The following ANGPT2 variants were observed in gnomAD, a reference collection of about 807,000 sequenced individuals.
ANGPT2 encodes angiopoietin-2.
Under a neutral mutation model 62.9 loss-of-function variants are expected in ANGPT2, and 28 were observed. The observed-to-expected ratio is 0.44, with a 90% CI of 0.33 to 0.61. ANGPT2 has a LOEUF of 0.61. Among genes scored for constraint, ANGPT2 ranks in the 20% least tolerant of loss-of-function variants. The probability of loss-of-function intolerance (pLI) is 0.03; values close to 1 mark genes in which losing one functional copy is unlikely to be tolerated. For missense variants in ANGPT2, 727 were observed against 594.9 expected, an observed-to-expected ratio of 1.22 and a Z score of -2.31; for synonymous variants, 284 against 207.8, an observed-to-expected ratio of 1.37 and a Z score of -3.15.
At chr8:6,518,715 A>G (rs940085163) in intron 5 of ANGPT2, among the ~76,000 whole-genome samples, 1 of 152,188 alleles carries the variant, frequency 6.6e-6, no homozygotes, top group Non-Finnish European at 1.5e-5. Context: ...TACAGTATCC[A>G]CTGTATTCTC....
chr8:6,519,801 C>T, intron 5 of ANGPT2, 63 bp downstream of exon 5: 1 of 1,575,382 alleles, frequency 6.3e-7, no homozygotes, highest in Non-Finnish European at 8.7e-7. Flanking sequence ...CTCTCTGGTT[C>T]CTCACTCACT....
At chr8:6,539,194 G>GA (rs1174556975) in intron 1 of ANGPT2, among the ~76,000 whole-genome samples, 5 of 152,224 alleles carry the variant, frequency 3.3e-5, no homozygotes, top group African/African-American at 1.2e-4. Context: ...AGCCTGGGGG[G>GA]TAGGCACAGT....
At chr8:6,534,260 A>G (rs1324164399) in intron 1 of ANGPT2, among the ~76,000 whole-genome samples, 4 of 152,248 alleles carry the variant, frequency 2.6e-5, no homozygotes, top group Non-Finnish European at 5.9e-5. Context: ...ACAATACAGT[A>G]TAGCAACTAT....
At chr8:6,539,029 T>TTGTGTGTG (rs34625219) in intron 1 of ANGPT2, among the ~76,000 whole-genome samples, 1 of 151,400 alleles carries the variant, frequency 6.6e-6, no homozygotes, top group Non-Finnish European at 1.5e-5. Context: ...AGAGTTGGGC[T>TTGTGTGTG]TGTGTGTGTG....
chr8:6,539,883 G>C (rs1821224658), intron 1 of ANGPT2, among the ~76,000 whole-genome samples: 1 of 152,166 alleles, frequency 6.6e-6, no homozygotes, highest in Admixed American at 6.5e-5. Flanking sequence ...CACTGTGCCT[G>C]GCCATTTAAT....
chr8:6,531,125 C>A (rs763885190), intron 2 of ANGPT2, among the ~76,000 whole-genome samples: 2 of 151,958 alleles, frequency 1.3e-5, no homozygotes, highest in Non-Finnish European at 2.9e-5. Flanking sequence ...CGGCCTTGAG[C>A]TTGGAGCGTC....
chr8:6,530,473 C>T (rs143423932), intron 2 of ANGPT2, among the ~76,000 whole-genome samples: 9 of 143,172 alleles, frequency 6.3e-5, no homozygotes, highest in African/African-American at 2.3e-4. Flanking sequence ...CACACCACTG[C>T]ACTCCAACCT....
At position 6,513,742 on chromosome 8, in the gene ANGPT2, C is replaced by T; in HGVS notation, c.1132G>A (p.Glu378Lys). 1 of 1,614,008 alleles carries T rather than the reference C, an allele frequency of 6.2e-7. No homozygotes were observed. ...YVLKIHLKDW[E>K]GNEAYSLYEH... ...TACAATGAGTAAGCCTCATTCCCTT[C>T]CCAGTCTTTAAGGTGTATTTTAAGC... The change falls in exon 7 of 9, where the codon GAA becomes AAA. Residue 378 changes from glutamate to lysine, a missense_variant. By Grantham distance (56) the Glu-to-Lys change is moderately conservative. Transcript: ENST00000629816.
intron 7 of ANGPT2, among the ~76,000 whole-genome samples, chr8:6,512,597 C>T (rs993455883): frequency 9.2e-5 from 14 of 152,184 alleles, no homozygotes; most frequent in Non-Finnish European, 1.6e-4. Context: ...CTTCTCTGCC[C>T]CTCCCGTTGC....
intron 1 of ANGPT2, among the ~76,000 whole-genome samples, chr8:6,555,557 G>A (rs1310687682): frequency 4.0e-5 from 6 of 151,702 alleles, no homozygotes; most frequent in Non-Finnish European, 8.8e-5. Context: ...TGCCTCCTGG[G>A]TTCAAATGAT....
chr8:6,532,928 G>A (rs912326833), intron 1 of ANGPT2, among the ~76,000 whole-genome samples: 1 of 152,096 alleles, frequency 6.6e-6, no homozygotes, highest in Admixed American at 6.5e-5. Flanking sequence ...CTAGACTTTT[G>A]GTTTCTCCAC....
intron 6 of ANGPT2, 70 bp from the exon 7 acceptor site, chr8:6,513,914 C>T (rs527288115): frequency 1.2e-5 from 17 of 1,378,018 alleles, no homozygotes; most frequent in East Asian, 7.1e-5. Flanking sequence ...GTGGATAGTC[C>T]GTCAACTTAA....
At chr8:6,561,423 C>T (rs1055095459) in intron 1 of ANGPT2, among the ~76,000 whole-genome samples, 8 of 152,194 alleles carry the variant, frequency 5.3e-5, no homozygotes, top group African/African-American at 1.7e-4. Flanking sequence ...TTAGTCGTTT[C>T]CTCTCTGAAG....
rs551568213 is a variant in ANGPT2, at chr8:6,511,662, T to G, written c.1196+2016A>C. Among the ~76,000 whole-genome samples, 8 of 152,318 alleles carry G rather than the reference T, an allele frequency of 5.3e-5. No individual in the cohort carries two copies. The East Asian group carries it at 1.5e-3, about 29-fold the overall frequency. Reference sequence around the variant, plus strand: ...CTTATCATGCTAGCATCATGTTTTATTAGGATAATAATTTTCGATGTAATA... The same window carrying G: ...CTTATCATGCTAGCATCATGTTTTAGTAGGATAATAATTTTCGATGTAATA... On this transcript the variant is annotated intron_variant, in intron 7 of 8. Transcript: ENST00000629816.
At chr8:6,558,907 A>AT (rs1825075444) in intron 1 of ANGPT2, among the ~76,000 whole-genome samples, 1 of 152,296 alleles carries the variant, frequency 6.6e-6, no homozygotes, top group East Asian at 1.9e-4. Context: ...TACATATCGC[A>AT]TAAGAGATAC....
chr8:6,560,406 A>C (rs184049702), intron 1 of ANGPT2, among the ~76,000 whole-genome samples: 1 of 152,312 alleles, frequency 6.6e-6, no homozygotes, highest in African/African-American at 2.4e-5. Context: ...AGTGTTTATT[A>C]TCACAGGTGA....
At chr8:6,514,824 C>A (rs1240643624) in intron 5 of ANGPT2, 46 bp from the exon 6 acceptor site, 7 of 1,527,480 alleles carry the variant, frequency 4.6e-6, no homozygotes, top group African/African-American at 4.1e-5. Flanking sequence ...CCCCCCACTC[C>A]CCCCTTACGT....
At chr8:6,549,835 A>G (rs137947598) in intron 1 of ANGPT2, among the ~76,000 whole-genome samples, 11 of 152,370 alleles carry the variant, frequency 7.2e-5, no homozygotes, top group Non-Finnish European at 1.2e-4. Flanking sequence ...ACCAAGTTGT[A>G]CACTCAAGAT....
chr8:6,563,090 C>T lies in ANGPT2; in HGVS notation c.-156G>A. The stretch of plus-strand genomic sequence containing the variant: ...TCTTTCCTCTTTTTCCAGTAGCAAA[C>T]CTGGTTTTTACTGCTGTGTTCTCTC... On this transcript the variant is annotated 5_prime_UTR_variant, in exon 1 of 9. Transcript: ENST00000629816. 1 of 787,044 alleles carries T rather than the reference C, an allele frequency of 1.3e-6. No homozygotes were observed. The highest frequency in any genetic ancestry group is 1.9e-6 in the Non-Finnish European group (1 of 516,658). 48.8% of individuals were successfully genotyped at this position (787,044 alleles called of 1,614,324 possible).
Sources: gnomAD v4.1 joint callset for allele counts (sites outside exome capture counted in the v4.1 genomes callset) on GRCh38, gnomAD v4.1.1 for gene constraint, MANE v1.5 for transcripts, NCBI Gene and HGNC (gene_info 2026-07-23, HGNC 2026-07-21) for gene names.